GGT1: variants seen among roughly 807,000 people sequenced by gnomAD.
GGT1 encodes the protein glutathione hydrolase 1 proenzyme.
A neutral mutation model predicts 56.0 loss-of-function variants in GGT1; 21 were observed. The observed-to-expected ratio is 0.38, with a 90% CI of 0.27 to 0.54. The LOEUF is 0.54. GGT1 is among the 20% of genes least tolerant of loss of function. GGT1 has a pLI of 0.82. For synonymous variants in GGT1, 238 were observed against 342.6 expected, an observed-to-expected ratio of 0.69 and a Z score of 3.37; for missense variants, 466 against 787.0, an observed-to-expected ratio of 0.59 and a Z score of 4.88.
At chr22:24,604,624 G>A (rs1156505238) in intron 1 of GGT1, among the ~76,000 whole-genome samples, 1 of 151,996 alleles carries the variant, frequency 6.6e-6, no homozygotes, top group Admixed American at 6.6e-5. Context: ...AAGAGCTGTG[G>A]GGTCTGGAGA....
upstream of GGT1, chr22:24,589,994 CA>C: frequency 6.6e-7 from 1 of 1,508,458 alleles, no homozygotes; most frequent in Non-Finnish European, 8.9e-7. Flanking sequence ...TTGGGTCTCC[CA>C]TCTCGAGGCA....
chr22:24,586,534 T>C, the GGT1 span: 1 of 1,077,454 alleles, frequency 9.3e-7, no homozygotes, highest in Non-Finnish European at 1.4e-6. Flanking sequence ...TCAAACTGTG[T>C]CTTTCGTATT....
At chr22:24,602,536 T>C (rs572289592), upstream of GGT1, among the ~76,000 whole-genome samples, 35 of 152,234 alleles carry the variant, frequency 2.3e-4, 1 homozygote, top group South Asian at 6.8e-3. Flanking sequence ...CCCCATCTCA[T>C]TGAATGGGGC....
chr22:24,626,186 G>C (rs1413196610), intron 11 of GGT1, among the ~76,000 whole-genome samples: 1 of 149,346 alleles, frequency 6.7e-6, no homozygotes, highest in East Asian at 2.0e-4. Context: ...TAGAGACGGG[G>C]TTTCACTGTG....
chr22:24,606,976 G>A (rs555877325), intron 1 of GGT1, among the ~76,000 whole-genome samples: 346 of 149,912 alleles, frequency 2.3e-3, no homozygotes, highest in African/African-American at 8.3e-3. Context: ...CAGGGGAATG[G>A]GCAGCACTGT....
Position 24,616,425 on chromosome 22 carries a change from A to T in GGT1, c.382+1298A>T, listed in dbSNP as rs1601715065. 2.6e-5 allele frequency among the ~76,000 whole-genome samples: 4 copies of T among 151,866 alleles called. No homozygotes were observed. In the South Asian group the frequency reaches 8.3e-4, roughly 32 times the overall value. ...ATGAAGCTCCGTCTCAAAAAAAAAA[A>T]AAGTTGGAGGATGGAGGGGCAGGAC... is the stretch of plus-strand genomic sequence containing the variant. On this transcript the variant is annotated intron_variant, in intron 7 of 15. Transcript: ENST00000400382.
intron 7 of GGT1, among the ~76,000 whole-genome samples, chr22:24,618,679 A>T (rs533500008): frequency 1.3e-5 from 2 of 152,326 alleles, no homozygotes; most frequent in East Asian, 3.9e-4. Flanking sequence ...TGGGTGTCAG[A>T]CCTTCCGGGA....
chr22:24,583,830 T>C, the GGT1 span: 109 of 470,074 alleles, frequency 2.3e-4, no homozygotes, highest in East Asian at 5.4e-3. Flanking sequence ...TCAGTGACAA[T>C]TGAGAGTTTG....
At chr22:24,616,921 C>T (rs1488422580) in intron 7 of GGT1, among the ~76,000 whole-genome samples, 1 of 152,040 alleles carries the variant, frequency 6.6e-6, no homozygotes, top group Non-Finnish European at 1.5e-5. Context: ...TAAGAGAATG[C>T]GGGAATCATA....
upstream of GGT1, among the ~76,000 whole-genome samples, chr22:24,602,611 C>G (rs908502176): frequency 6.6e-6 from 1 of 152,130 alleles, no homozygotes; most frequent in Non-Finnish European, 1.5e-5. Context: ...GCCTGGGGTC[C>G]TCGGTCAGCC....
At chr22:24,591,852 T>G (rs2045576650), upstream of GGT1, among the ~76,000 whole-genome samples, 1 of 152,226 alleles carries the variant, frequency 6.6e-6, no homozygotes, top group African/African-American at 2.4e-5. Context: ...CCAGCCTGCC[T>G]TCCATGGGTC....
intron 5 of GGT1, among the ~76,000 whole-genome samples, 192 bp from the exon 6 acceptor site, chr22:24,614,584 C>G (rs1203682916): frequency 1.4e-5 from 2 of 147,388 alleles, no homozygotes; most frequent in African/African-American, 5.0e-5. Flanking sequence ...CCACTGCACT[C>G]CAGCCTGGCA....
chr22:24,596,734 C>T lies in GGT1; in HGVS notation c.-324+1848C>T, dbSNP rs550201922. ...CCAACATGGTGAAACCCTGTCTCTA[C>T]TAAAATACAAAAAAAAAAAAAAAAA... is the stretch of plus-strand genomic sequence containing the variant. On this transcript the variant is annotated intron_variant, in intron 1 of 6. Coordinates refer to the GGT1 transcript ENST00000411974. Among the ~76,000 whole-genome samples, 11 of 62,018 alleles carry T rather than the reference C, an allele frequency of 1.8e-4. No individual in the cohort carries two copies. In the Admixed American group the frequency reaches 2.8e-3, roughly 16 times the overall value. The allele number at this position is 62,018 out of a possible 152,430, so 40.7% of individuals were successfully genotyped here. A position where few individuals can be genotyped will look rare whatever the true frequency, so the allele number is the denominator to read the frequency against.
At chr22:24,588,254 G>A in the GGT1 span, 1 of 1,613,580 alleles carries the variant, frequency 6.2e-7, no homozygotes, top group Non-Finnish European at 8.5e-7. Context: ...GACCCTTGCT[G>A]CTGCTTCGAG....
chr22:24,593,058 GCCGAA>G, upstream of GGT1: 1 of 1,038,406 alleles, frequency 9.6e-7, no homozygotes. Flanking sequence ...CGCGATGGTC[GCCGAA>G]CCCACAGGAG....
At chr22:24,597,046 G>T in intron 1 of GGT1, among the ~76,000 whole-genome samples, 1 of 146,162 alleles carries the variant, frequency 6.8e-6, no homozygotes, top group Non-Finnish European at 1.5e-5. Flanking sequence ...GCAATGGCAT[G>T]ATCTTGGCTC....
chr22:24,606,585 T>C (rs2046338379), intron 1 of GGT1, among the ~76,000 whole-genome samples: 1 of 152,180 alleles, frequency 6.6e-6, no homozygotes, highest in South Asian at 2.1e-4. Flanking sequence ...TGCCCTGTCA[T>C]CTTCCCAGTC....
chr22:24,595,459 G>C (rs1051191147), intron 1 of GGT1, among the ~76,000 whole-genome samples: 1 of 152,220 alleles, frequency 6.6e-6, no homozygotes, highest in South Asian at 2.1e-4. Flanking sequence ...GCAGAGCTGT[G>C]TTTGTTGAGA....
chr22:24,587,115 CAT>C, the GGT1 span, among the ~76,000 whole-genome samples: 1 of 152,156 alleles, frequency 6.6e-6, no homozygotes, highest in Non-Finnish European at 1.5e-5. Flanking sequence ...CTTGAGCCCA[CAT>C]GTTTTTTTCC....
Sources: allele counts gnomAD v4.1 joint callset (sites outside exome capture counted in the v4.1 genomes callset), GRCh38; gene constraint gnomAD v4.1.1; transcripts MANE v1.5; gene names NCBI Gene and HGNC (gene_info 2026-07-23, HGNC 2026-07-21).